Variants in ADNP2 observed in about 807,000 individuals in gnomAD.
ADNP2 encodes the protein ADNP homeobox 2.
Under a neutral mutation model 16.4 loss-of-function variants are expected in ADNP2, and 8 were observed. The ratio of observed to expected loss-of-function variants is 0.49; its 90% confidence interval spans 0.29 to 0.88. The LOEUF is 0.88. Among genes scored for constraint, ADNP2 ranks in the 40% least tolerant of loss-of-function variants. The pLI, the probability that ADNP2 is intolerant of heterozygous loss-of-function variation, is 0.09. For missense variants in ADNP2, 1,397 were observed against 1,395.1 expected (o/e 1.00, Z -0.02); for synonymous variants, 637 against 545.8 (o/e 1.17, Z -2.33).
At chr18:80,113,039 T>C (rs1204943530) in intron 1 of ADNP2, among the ~76,000 whole-genome samples, 4 of 152,190 alleles carry the variant, frequency 2.6e-5, no homozygotes, top group African/African-American at 9.7e-5. Flanking sequence ...TCGTTGAGTT[T>C]TGCTCTGACC....
At chr18:80,112,946 A>G (rs1364508595) in intron 1 of ADNP2, among the ~76,000 whole-genome samples, 1 of 152,212 alleles carries the variant, frequency 6.6e-6, no homozygotes, top group Non-Finnish European at 1.5e-5. Context: ...GAAGAACCCC[A>G]GAGGATAGAG....
chr18:80,121,199 C>A (rs1404190294), intron 2 of ADNP2, among the ~76,000 whole-genome samples: 1 of 152,150 alleles, frequency 6.6e-6, no homozygotes, highest in Non-Finnish European at 1.5e-5. Context: ...TTCCCTCTGT[C>A]CCTCTTCCTT....
At position 80,138,208 on chromosome 18, in the gene ADNP2, C is replaced by G; in HGVS notation, c.2795C>G (p.Ala932Gly). The G allele has an allele frequency of 1.2e-6, 2 of 1,614,164 alleles. No homozygotes were observed. ...YTGNMTLAAI[A>G]VHLVRCRSAP... ...GGAAATATGACCCTGGCTGCCATCG[C>G]CGTCCATTTGGTGCGCTGCAGAAGT... The change falls in exon 4 of 4, where the codon GCC (alanine) becomes GGC (glycine). Residue 932 changes from alanine (A) to glycine (G), a missense_variant. Physicochemically the swap from Ala to Gly is moderately conservative, Grantham distance 60. Coordinates refer to ENST00000262198, the MANE Select transcript of ADNP2 (RefSeq NM_014913.4).
At position 80,139,097 on chromosome 18, in the gene ADNP2, C is replaced by T; in HGVS notation, c.*288C>T. Reference sequence around the variant, plus strand: ...ATATTTCATGCACGCCTTGTTTTCCCACTAGTGTCAGTATCGTATGATAAG... The same window carrying T: ...ATATTTCATGCACGCCTTGTTTTCCTACTAGTGTCAGTATCGTATGATAAG... On this transcript the variant is annotated 3_prime_UTR_variant, in exon 4 of 4. Transcript: ENST00000262198. 3.6e-6 allele frequency: 1 copy of T among 281,428 alleles called. No homozygotes were observed. The highest frequency in any genetic ancestry group is 6.5e-6 in the Non-Finnish European group (1 of 152,974). 17.4% of individuals were successfully genotyped at this position (281,428 alleles called of 1,614,324 possible).
At chr18:80,131,284 C>T (rs2052494467) in intron 2 of ADNP2, among the ~76,000 whole-genome samples, 1 of 152,182 alleles carries the variant, frequency 6.6e-6, no homozygotes, top group African/African-American at 2.4e-5. Context: ...GTTTCTCACA[C>T]TACTGCCTCT....
intron 1 of ADNP2, among the ~76,000 whole-genome samples, chr18:80,110,908 C>T (rs1461219888): frequency 1.3e-5 from 2 of 151,938 alleles, no homozygotes; most frequent in African/African-American, 2.4e-5. Flanking sequence ...AGGAGTTGAT[C>T]ACTGTTTATG....
In ADNP2 at chr18:80,138,707, C is replaced by T. The variant is rs375717389; in HGVS notation, c.3294C>T (p.Cys1098=). 1.2e-6 allele frequency: 2 copies of T among 1,610,094 alleles called. No homozygotes were observed. Among genetic ancestry groups the T allele is most frequent in the Non-Finnish European group, 1.7e-6 (2 of 1,179,264 alleles). Residue 1098 remains cysteine (C), a synonymous_variant, in exon 4 of 4, where the codon TGC becomes TGT. Transcript: ENST00000262198. The stretch of plus-strand genomic sequence containing the variant: ...TTTTTGGAAAAAGAAGGTATATTTG[C>T]ATGAAAGCAATAAAAAATCACAAGC... ...ASFFGKRRYI[C]MKAIKNHKPS...
rs199819195 is a variant in ADNP2 at position 80,133,155 on chromosome 18, G to T, written c.161G>T (p.Gly54Val). 1.7e-4 allele frequency: 270 copies of T among 1,613,684 alleles called. No homozygotes were observed. Among genetic ancestry groups the T allele is most frequent in the Middle Eastern group, 8.2e-4 (5 of 6,082 alleles). ...GEKYFHNTSWGDVSLWEPSGK... is the reference protein window; with the variant it reads ...GEKYFHNTSWVDVSLWEPSGK... ...AAATACTTTCATAACACATCATGGG[G>T]TGATGTTTCTCTCTGGGAACCTTCT... The change falls in exon 3 of 4, where the codon GGT becomes GTT. Residue 54 changes from glycine to valine, a missense_variant. By Grantham distance (109) the Gly-to-Val change is moderately radical. Coordinates refer to ENST00000262198, the MANE Select transcript of ADNP2 (RefSeq NM_014913.4).
At position 80,138,279 on chromosome 18, in the gene ADNP2, A is replaced by G. The variant is rs757912814; in HGVS notation, c.2866A>G (p.Ile956Val). Reference protein sequence around the residue: ...SSDLQAQPGFIHNSELLLVSG... With the variant: ...SSDLQAQPGFVHNSELLLVSG... The stretch of plus-strand genomic sequence containing the variant: ...AGACCTGCAGGCCCAGCCGGGTTTT[A>G]TTCACAACAGTGAACTGCTTTTAGT... The change falls in exon 4 of 4, where the codon ATT becomes GTT. Residue 956 changes from isoleucine to valine, a missense_variant. Ile to Val is a conservative substitution (Grantham distance 29). Around this residue, in one of 3 missense-constraint regions of ADNP2, gnomAD observed 611 missense variants for 648.7 expected, o/e 0.94. Coordinates refer to ENST00000262198, the MANE Select transcript of ADNP2 (RefSeq NM_014913.4). The G allele has an allele frequency of 1.2e-6, 2 of 1,614,140 alleles. No individual in the cohort carries two copies. Among genetic ancestry groups the G allele is most frequent in the Non-Finnish European group, 1.7e-6 (2 of 1,180,042 alleles).
At chr18:80,109,946 C>A in intron 1 of ADNP2, 1 of 153,044 alleles carries the variant, frequency 6.5e-6, no homozygotes, top group South Asian at 1.9e-4. Context: ...GCCCGCTGGC[C>A]CGCCCGCCGC....
chr18:80,128,862 T>C (rs1340862307), intron 2 of ADNP2, among the ~76,000 whole-genome samples: 1 of 152,158 alleles, frequency 6.6e-6, no homozygotes, highest in Non-Finnish European at 1.5e-5. Flanking sequence ...TAACCGTTTC[T>C]AATTAGAAAA....
chr18:80,125,321 C>T (rs912359663), intron 2 of ADNP2, among the ~76,000 whole-genome samples: 24 of 151,816 alleles, frequency 1.6e-4, no homozygotes, highest in African/African-American at 5.1e-4. Context: ...TTAGACCAGC[C>T]GGGACAACAT....
chr18:80,122,024 A>T (rs1289673902), intron 2 of ADNP2, among the ~76,000 whole-genome samples: 2 of 151,728 alleles, frequency 1.3e-5, no homozygotes, highest in African/African-American at 4.8e-5. Flanking sequence ...TCAAGAAGTG[A>T]TTCTCTTGCC....
intron 1 of ADNP2, among the ~76,000 whole-genome samples, chr18:80,111,574 T>G (rs1249411234): frequency 4.0e-5 from 6 of 151,860 alleles, no homozygotes; most frequent in Non-Finnish European, 7.4e-5. Flanking sequence ...ACATTTTTTT[T>G]TTTTTTTTTT....
chr18:80,131,249 C>T (rs11661201), intron 2 of ADNP2, among the ~76,000 whole-genome samples: 27,507 of 152,098 alleles, frequency 0.18, 2,755 homozygotes, highest in Middle Eastern at 0.25. Context: ...TTCACCTGCC[C>T]CTGAGAGTTA....
chr18:80,126,380 C>A (rs2052459042), intron 2 of ADNP2, among the ~76,000 whole-genome samples: 1 of 152,044 alleles, frequency 6.6e-6, no homozygotes, highest in Non-Finnish European at 1.5e-5. Context: ...TAGTCTTCAT[C>A]CCTTTGCGTA....
At position 80,136,779 on chromosome 18, in the gene ADNP2, C is replaced by G; in HGVS notation, c.1366C>G (p.Pro456Ala). 2 of 1,613,428 alleles carry G rather than the reference C, an allele frequency of 1.2e-6. No homozygotes were observed. The highest frequency in any genetic ancestry group is 8.5e-7 in the Non-Finnish European group (1 of 1,179,694). The change falls in exon 4 of 4, where the codon CCT becomes GCT. Residue 456 changes from proline (P) to alanine (A), a missense_variant. Physicochemically the swap from Pro to Ala is conservative, Grantham distance 27 (BLOSUM62 -1). Transcript: ENST00000262198. ...AGTCCTTCCTGCAGGCCAGATGACT[C>G]CTGCAGGCCAGATGACTCCTGCAGG... ...SGVLPAGQMTPAGQMTPAGVI... is the reference protein window; with the variant it reads ...SGVLPAGQMTAAGQMTPAGVI...
Position 80,137,899 on chromosome 18 carries a change from T to G in ADNP2, c.2486T>G (p.Leu829Trp), listed in dbSNP as rs1184781263. 6.2e-7 allele frequency: 1 copy of G among 1,613,864 alleles called. No homozygotes were observed. The highest frequency in any genetic ancestry group is 8.5e-7 in the Non-Finnish European group (1 of 1,180,038). Residue 829 changes from leucine (L) to tryptophan (W), a missense_variant, in exon 4 of 4, where the codon TTG becomes TGG. Physicochemically the swap from Leu to Trp is moderately conservative, Grantham distance 61. This residue lies in a region of ADNP2 where 611 missense variants were observed against 648.7 expected (regional missense o/e 0.94). Transcript: ENST00000262198. The surrounding 1 kb of genome is among the most constrained non-coding windows in gnomAD (Gnocchi z 4.2). Reference sequence around the variant, plus strand: ...CCCCACCTTGATTTCATCACCATATTGCCAAAGGAGAAGCTTGGGGAGCGG... The same window carrying G: ...CCCCACCTTGATTTCATCACCATATGGCCAAAGGAGAAGCTTGGGGAGCGG... ...LFPHLDFITI[L>W]PKEKLGEREV...
chr18:80,130,707 TC>T (rs2052490246), intron 2 of ADNP2, among the ~76,000 whole-genome samples: 1 of 151,990 alleles, frequency 6.6e-6, no homozygotes, highest in Admixed American at 6.6e-5. Context: ...TCTCTCCTGT[TC>T]CCTCCCTGTC....
Sources: allele counts gnomAD v4.1 joint callset (sites outside exome capture counted in the v4.1 genomes callset), GRCh38; gene constraint gnomAD v4.1.1; regional missense constraint gnomAD v4.1.1; non-coding constraint Gnocchi (gnomAD v3.1); transcripts MANE v1.5; gene names NCBI Gene and HGNC (gene_info 2026-07-23, HGNC 2026-07-21).